CREBRF: variants seen among roughly 807,000 people sequenced by gnomAD.
CREBRF encodes UPF0474 protein C5orf41.
A neutral mutation model predicts 66.1 loss-of-function variants in CREBRF; 5 were observed. That is an observed-to-expected ratio of 0.08 (90% CI 0.04 to 0.16). The LOEUF is 0.16. Ranked by LOEUF, CREBRF falls within the 10% of genes least tolerant of loss-of-function variation. The pLI, the probability that CREBRF is intolerant of heterozygous loss-of-function variation, is 1.00. For missense variants in CREBRF, 531 were observed against 744.9 expected (o/e 0.71, Z 3.34); for synonymous variants, 229 against 264.4 (o/e 0.87, Z 1.30).
intron 1 of CREBRF, among the ~76,000 whole-genome samples, chr5:173,062,515 A>T (rs1757304465): frequency 6.6e-6 from 1 of 152,086 alleles, no homozygotes; most frequent in Non-Finnish European, 1.5e-5. Flanking sequence ...AGCTATTTTG[A>T]TGATGTTTAA....
At chr5:173,063,879 G>T (rs1317065625) in intron 1 of CREBRF, among the ~76,000 whole-genome samples, 1 of 150,708 alleles carries the variant, frequency 6.6e-6, no homozygotes, top group Admixed American at 6.6e-5. Flanking sequence ...CTGCCACCAT[G>T]CCCGGCTAAT....
chr5:173,063,926 TGGCCA>T (rs1757357172), intron 1 of CREBRF, among the ~76,000 whole-genome samples: 1 of 151,980 alleles, frequency 6.6e-6, no homozygotes, highest in Admixed American at 6.6e-5. Context: ...TTCACCATGT[TGGCCA>T]GGCTGGTCTT....
Position 173,123,008 on chromosome 5 carries a change from T to A in CREBRF, c.1682-72T>A, listed in dbSNP as rs1759177861. 5 of 1,399,486 alleles carry A rather than the reference T, an allele frequency of 3.6e-6. No homozygotes were observed. In the South Asian group the frequency reaches 5.8e-5, roughly 16 times the overall value. 86.7% of individuals were successfully genotyped at this position (1,399,486 alleles called of 1,614,324 possible). On this transcript the variant is annotated intron_variant, in intron 7 of 8. Transcript: ENST00000296953. ...TAATCCAGTCCATTTCTTAATTATCTGTTATTACATAATTAAAAGGAAAGT... is the reference window on the plus strand; with the variant it reads ...TAATCCAGTCCATTTCTTAATTATCAGTTATTACATAATTAAAAGGAAAGT...
At chr5:173,060,375 C>T (rs1383165501) in intron 1 of CREBRF, 1 of 151,746 alleles carries the variant, frequency 6.6e-6, no homozygotes, top group Non-Finnish European at 1.5e-5. Flanking sequence ...GGATTACAGG[C>T]GTGCACCGCT....
intron 3 of CREBRF, among the ~76,000 whole-genome samples, chr5:173,089,176 C>T: frequency 1.4e-5 from 1 of 70,376 alleles, no homozygotes; most frequent in East Asian, 5.2e-4. Context: ...GACTCCATCT[C>T]AAAAAAAAAA....
intron 2 of CREBRF, among the ~76,000 whole-genome samples, chr5:173,081,528 A>G (rs886469095): frequency 6.6e-6 from 1 of 152,138 alleles, no homozygotes; most frequent in African/African-American, 2.4e-5. Flanking sequence ...ATACTGAGCT[A>G]TCCCTTGAGC....
intron 4 of CREBRF, among the ~76,000 whole-genome samples, chr5:173,100,452 TCTCA>T (rs1581687357): frequency 6.6e-6 from 1 of 151,214 alleles, no homozygotes; most frequent in African/African-American, 2.4e-5. Context: ...GGAGATGGAG[TCTCA>T]CTCTCTCGCC....
chr5:173,081,973 C>CT (rs1282082673), intron 2 of CREBRF, among the ~76,000 whole-genome samples: 9 of 147,642 alleles, frequency 6.1e-5, no homozygotes, highest in Non-Finnish European at 8.9e-5. Context: ...TGCATATACC[C>CT]TTTTAGAGTG....
rs551470662 is a variant in CREBRF at position 173,098,370 on chromosome 5, G to A, written c.1222+6969G>A. The stretch of plus-strand genomic sequence containing the variant: ...CCTGGCTAATTTTTTGTATTTTTTA[G>A]TAGAGATGGGGTTTCATTGTGTTAG... On this transcript the variant is annotated intron_variant, in intron 4 of 8. Transcript: ENST00000296953. 6.9e-4 allele frequency among the ~76,000 whole-genome samples: 105 copies of A among 152,062 alleles called. 1 individual carries two copies. The South Asian group carries it at 8.1e-3, about 12-fold the overall frequency.
intron 1 of CREBRF, among the ~76,000 whole-genome samples, chr5:173,077,133 C>T (rs541300078): frequency 6.6e-6 from 1 of 151,532 alleles, no homozygotes; most frequent in Non-Finnish European, 1.5e-5. Context: ...TTAGTAGAGA[C>T]GGGGTTTCAC....
rs537598460 is a variant in CREBRF, at chr5:173,088,297, C to T, written c.135+1671C>T. Among the ~76,000 whole-genome samples the T allele has an allele frequency of 1.8e-3, 153 of 84,536 alleles. No homozygotes were observed. In the Middle Eastern group the frequency reaches 0.1, roughly 57 times the overall value. 55.5% of individuals were successfully genotyped at this position (84,536 alleles called of 152,430 possible). On this transcript the variant is annotated intron_variant, in intron 3 of 8. Transcript: ENST00000296953. The stretch of plus-strand genomic sequence containing the variant: ...TTTTTTTTTTTTTGAGACAGAGTTT[C>T]GCTCCTGTTGCCCAGGCTGGAGTGC...
intron 1 of CREBRF, among the ~76,000 whole-genome samples, chr5:173,057,037 TC>T (rs1216165562): frequency 1.3e-5 from 2 of 151,228 alleles, no homozygotes; most frequent in Non-Finnish European, 2.9e-5. Flanking sequence ...GCAGGGCGTC[TC>T]GGGGGTAGCC....
At chr5:173,092,455 A>C in intron 4 of CREBRF, 1 of 979,894 alleles carries the variant, frequency 1.0e-6, no homozygotes, top group Non-Finnish European at 1.2e-6. Flanking sequence ...TGGCTTGTGC[A>C]GTTTATTTAT....
intron 3 of CREBRF, among the ~76,000 whole-genome samples, chr5:173,088,815 T>G (rs1299996946): frequency 6.6e-6 from 1 of 152,006 alleles, no homozygotes; most frequent in African/African-American, 2.4e-5. Context: ...TACTAAAAAT[T>G]ATTGAATTGT....
rs772173893 is a variant in CREBRF, at chr5:173,112,351, G to A, written c.1653G>A (p.Val551=). Residue 551 remains valine (V), a synonymous_variant, in exon 7 of 9, where the codon GTG becomes GTA. Transcript: ENST00000296953. ...KKKAQYEANK[V]KLWGLNTEYD... ...AAGCCCAGTATGAAGCTAATAAAGTGAAATTATGGGGCCTCAACACAGAAT... is the reference window on the plus strand; with the variant it reads ...AAGCCCAGTATGAAGCTAATAAAGTAAAATTATGGGGCCTCAACACAGAAT... 5.6e-6 allele frequency: 9 copies of A among 1,602,844 alleles called. No homozygotes were observed. The highest frequency in any genetic ancestry group is 6.8e-6 in the Non-Finnish European group (8 of 1,173,928).
chr5:173,058,496 T>A (rs559702418), intron 1 of CREBRF, among the ~76,000 whole-genome samples: 125 of 152,042 alleles, frequency 8.2e-4, no homozygotes, highest in Non-Finnish European at 1.5e-3. Flanking sequence ...TTTTTTTTTT[T>A]AATTTGAGAC....
chr5:173,110,024 T>G (rs190321501), intron 5 of CREBRF: 1 of 197,978 alleles, frequency 5.1e-6, no homozygotes, highest in African/African-American at 2.4e-5. Flanking sequence ...AGAAGAGCTT[T>G]TAAACAAGGT....
intron 7 of CREBRF, among the ~76,000 whole-genome samples, chr5:173,115,661 G>A (rs934131123): frequency 4.6e-5 from 7 of 150,890 alleles, no homozygotes; most frequent in Non-Finnish European, 8.8e-5. Context: ...TTTTTGAGAC[G>A]GAGTCTCGCT....
At chr5:173,106,585 T>A (rs1758756251) in intron 4 of CREBRF, among the ~76,000 whole-genome samples, 1 of 152,140 alleles carries the variant, frequency 6.6e-6, no homozygotes, top group Non-Finnish European at 1.5e-5. Flanking sequence ...CCAAATTGAT[T>A]CTTTTTTTTA....
Sources: allele counts gnomAD v4.1 joint callset (sites outside exome capture counted in the v4.1 genomes callset), GRCh38; gene constraint gnomAD v4.1.1; transcripts MANE v1.5; gene names NCBI Gene and HGNC (gene_info 2026-07-23, HGNC 2026-07-21).